LRRK2: variants seen among roughly 807,000 people sequenced by gnomAD.
LRRK2 encodes leucine-rich repeat serine/threonine-protein kinase 2.
In LRRK2, 203 loss-of-function variants were observed where a neutral mutation model predicts 302.6. That is an observed-to-expected ratio of 0.67 (90% CI 0.60 to 0.75). The LOEUF (loss-of-function observed/expected upper bound fraction) is 0.75, where lower values mean the gene tolerates loss of function less well. Among genes scored for constraint, LRRK2 ranks in the 30% least tolerant of loss-of-function variants. The pLI is 0.00. For missense variants in LRRK2, 2,830 were observed against 2,951.0 expected (o/e 0.96, Z 0.95); for synonymous variants, 1,066 against 1,031.9 (o/e 1.03, Z -0.63).
intron 2 of LRRK2, among the ~76,000 whole-genome samples, chr12:40,228,982 A>G (rs1276027665): frequency 6.6e-6 from 1 of 152,190 alleles, no homozygotes; most frequent in Non-Finnish European, 1.5e-5. Flanking sequence ...TCCATCATAC[A>G]ATCTACTAGC....
At position 40,320,006 on chromosome 12, in the gene LRRK2, G is replaced by A. The variant is rs201790906; in HGVS notation, c.4846G>A (p.Glu1616Lys). 21 of 1,609,822 alleles carry A rather than the reference G, an allele frequency of 1.3e-5. No homozygotes were observed. The East Asian group carries it at 4.7e-4, about 36-fold the overall frequency. The change falls in exon 34 of 51, where the codon GAA becomes AAA. Residue 1616 changes from glutamate to lysine, a missense_variant. Coordinates refer to ENST00000298910, the MANE Select transcript of LRRK2 (RefSeq NM_198578.4). ...IMAQILTVKV[E>K]GCPKHPKGII... Reference sequence around the variant, plus strand: ...CTTTCAGATTTTGACAGTGAAAGTGGAAGGTTGTCCAAAACACCCTAAGGG... The same window carrying A: ...CTTTCAGATTTTGACAGTGAAAGTGAAAGGTTGTCCAAAACACCCTAAGGG...
intron 12 of LRRK2, among the ~76,000 whole-genome samples, chr12:40,258,173 T>C (rs1263810646): frequency 2.0e-5 from 3 of 152,216 alleles, no homozygotes; most frequent in Non-Finnish European, 4.4e-5. Flanking sequence ...GGGATTAGGA[T>C]AATGCCTGCT....
At chr12:40,342,277 T>G (rs1210094613) in intron 41 of LRRK2, among the ~76,000 whole-genome samples, 1 of 152,182 alleles carries the variant, frequency 6.6e-6, no homozygotes, top group Non-Finnish European at 1.5e-5. Context: ...GTATCTGACT[T>G]CCTGGTTTTG....
chr12:40,328,500 TATTA>T lies in LRRK2; in HGVS notation c.5757+43_5757+46del, dbSNP rs766983625. ...AATATAATTATATTAAATTGCACAT[TATTA>T]ATCTACTGGAACTCTTATTTTGCAT... On this transcript the variant is annotated intron_variant, in intron 39 of 50. Transcript: ENST00000298910. The T allele has an allele frequency of 1.9e-5, 27 of 1,425,036 alleles. No homozygotes were observed. In the East Asian group the frequency reaches 6.4e-4, roughly 34 times the overall value. 88.3% of individuals were successfully genotyped at this position (1,425,036 alleles called of 1,614,324 possible). A position where few individuals can be genotyped will look rare whatever the true frequency, so the allele number is the denominator to read the frequency against.
chr12:40,298,542 G>C lies in LRRK2; in HGVS notation c.3347+49G>C, dbSNP rs759219476. 2.6e-5 allele frequency: 41 copies of C among 1,604,390 alleles called. No homozygotes were observed. The Admixed American group carries it at 6.8e-4, about 27-fold the overall frequency. ...AAAAGGGTTGCCTAAATATGCTGAT[G>C]TTAACAAAATATGCTGACATTTTTA... On this transcript the variant is annotated intron_variant, in intron 24 of 50. Coordinates refer to ENST00000298910, the MANE Select transcript of LRRK2 (RefSeq NM_198578.4).
intron 38 of LRRK2, 59 bp from the exon 39 acceptor site, chr12:40,328,301 A>T: frequency 7.9e-7 from 1 of 1,261,022 alleles, no homozygotes; most frequent in Admixed American, 1.7e-5. Flanking sequence ...GATATAATTT[A>T]TTTAGTTTTT....
chr12:40,230,152 G>T (rs889559575), intron 2 of LRRK2, among the ~76,000 whole-genome samples: 1 of 152,018 alleles, frequency 6.6e-6, no homozygotes, highest in Non-Finnish European at 1.5e-5. Flanking sequence ...GGTAGAAATA[G>T]CTATCAGAAA....
chr12:40,308,577 C>G lies in LRRK2; in HGVS notation c.4070C>G (p.Thr1357Ser). 6.2e-7 allele frequency: 1 copy of G among 1,613,980 alleles called. No homozygotes were observed. The highest frequency in any genetic ancestry group is 1.1e-5 in the South Asian group (1 of 91,082). ...ACCTTATTGCAGCAATTAATGAAAA[C>G]CAAGAAATCAGATCTTGGAATGCAA... ...KTTLLQQLMK[T>S]KKSDLGMQSA... Residue 1357 changes from threonine (T) to serine (S), a missense_variant, in exon 29 of 51, where the codon ACC becomes AGC. By Grantham distance (58) the Thr-to-Ser change is moderately conservative. Transcript: ENST00000298910.
At chr12:40,345,925 C>T (rs7296657) in intron 41 of LRRK2, among the ~76,000 whole-genome samples, 116,774 of 152,040 alleles carry the variant, frequency 0.77, 45,690 homozygotes, top group Non-Finnish European at 0.86. Context: ...TGTCTATCCA[C>T]GATTATGTCT....
chr12:40,295,200 T>TTTTC (rs1405178422), intron 22 of LRRK2, among the ~76,000 whole-genome samples: 1 of 151,880 alleles, frequency 6.6e-6, no homozygotes, highest in South Asian at 2.1e-4. Context: ...TCTCCTCCAG[T>TTTTC]TTTCTTTCTT....
intron 3 of LRRK2, among the ~76,000 whole-genome samples, chr12:40,234,881 A>G (rs904143409): frequency 1.8e-4 from 28 of 152,202 alleles, no homozygotes; most frequent in Admixed American, 4.6e-4. Context: ...ATAAGGCTTC[A>G]TGATATTTTG....
rs567811866 is a variant in LRRK2 at position 40,269,429 on chromosome 12, G to A, written c.1657-5154G>A. On this transcript the variant is annotated intron_variant, in intron 14 of 50. Coordinates refer to ENST00000298910, the MANE Select transcript of LRRK2 (RefSeq NM_198578.4). ...GACATCTTGCGGAATACTGTCTCAG[G>A]TACCATCGTACCTGCAGTGTTTGAG... 7.2e-5 allele frequency among the ~76,000 whole-genome samples: 11 copies of A among 152,230 alleles called. 1 individual carries two copies. Among genetic ancestry groups the A allele is most frequent in the African/African-American group, 2.6e-4 (11 of 41,546 alleles).
rs142108926 is a variant in LRRK2 at position 40,255,481 on chromosome 12, G to T, written c.1289-1767G>T. ...ATAAAGTCTAACGTGACTTTATGAT[G>T]AAATTTCTTCTTCTAGGTTTATTGC... is the stretch of plus-strand genomic sequence containing the variant. On this transcript the variant is annotated intron_variant, in intron 11 of 50. Coordinates refer to ENST00000298910, the MANE Select transcript of LRRK2 (RefSeq NM_198578.4). Among the ~76,000 whole-genome samples the T allele has an allele frequency of 4.1e-3, 630 of 152,310 alleles. 3 individuals carry two copies. The highest frequency in any genetic ancestry group is 0.021 in the Middle Eastern group (6 of 292).
rs145364431 is a variant in LRRK2, at chr12:40,322,047, G to T, written c.5183G>T (p.Arg1728Leu). Reference protein sequence around the residue: ...YMLSGRERALRPNRMYWRQGI... With the variant: ...YMLSGRERALLPNRMYWRQGI... ...CTCCATTTTTTAGAACGAGCACTTC[G>T]CCCAAACAGAATGTATTGGCGACAA... Residue 1728 changes from arginine to leucine, a missense_variant, in exon 36 of 51, where the codon CGC becomes CTC. Coordinates refer to ENST00000298910, the MANE Select transcript of LRRK2 (RefSeq NM_198578.4). 4.5e-5 allele frequency: 73 copies of T among 1,612,872 alleles called. 1 individual carries two copies. Among genetic ancestry groups the T allele is most frequent in the Non-Finnish European group, 5.7e-5 (67 of 1,179,360 alleles).
chr12:40,303,959 T>C lies in LRRK2; in HGVS notation c.3602T>C (p.Leu1201Ser). ...GTGTATTGTTTTAGCTTGCGGTCTT[T>C]AGATATGAGCAGCAATGATATTCAG... ...AILNLPHLRSLDMSSNDIQYL... is the reference protein window; with the variant it reads ...AILNLPHLRSSDMSSNDIQYL... Residue 1201 changes from leucine to serine, a missense_variant, in exon 27 of 51, where the codon TTA (leucine) becomes TCA (serine). Leu to Ser is a moderately radical substitution (Grantham distance 145). This residue lies in a region of LRRK2 where 2,121 missense variants were observed against 2,148.0 expected (regional missense o/e 0.99). Coordinates refer to ENST00000298910, the MANE Select transcript of LRRK2 (RefSeq NM_198578.4). 1 of 1,613,676 alleles carries C rather than the reference T, an allele frequency of 6.2e-7. No individual in the cohort carries two copies. Among genetic ancestry groups the C allele is most frequent in the Non-Finnish European group, 8.5e-7 (1 of 1,179,706 alleles).
intron 18 of LRRK2, among the ~76,000 whole-genome samples, chr12:40,279,531 T>G (rs1194867688): frequency 1.3e-5 from 2 of 152,204 alleles, no homozygotes; most frequent in Non-Finnish European, 2.9e-5. Context: ...ATCTTTTGCA[T>G]GCAGATTATT....
intron 35 of LRRK2, 51 bp downstream of exon 35, chr12:40,321,239 CTT>C (rs745875898): frequency 4.9e-5 from 75 of 1,532,614 alleles, no homozygotes; most frequent in Middle Eastern, 2.3e-4. Flanking sequence ...TTAATTTAGA[CTT>C]ATTAATTTTT....
chr12:40,244,883 T>C (rs1941906664), intron 7 of LRRK2, among the ~76,000 whole-genome samples: 1 of 150,536 alleles, frequency 6.6e-6, no homozygotes, highest in Non-Finnish European at 1.5e-5. Flanking sequence ...TAAAGTATAA[T>C]AATAATTTTA....
chr12:40,283,843 T>A, intron 18 of LRRK2, 32 bp from the exon 19 acceptor site: 1 of 1,577,126 alleles, frequency 6.3e-7, no homozygotes, highest in Non-Finnish European at 8.6e-7. Context: ...AAATGTAGAT[T>A]TTTAATATAC....
Sources: gnomAD v4.1 joint callset for allele counts (sites outside exome capture counted in the v4.1 genomes callset) on GRCh38, gnomAD v4.1.1 for gene constraint, gnomAD v4.1.1 regional missense constraint, MANE v1.5 for transcripts, NCBI Gene and HGNC (gene_info 2026-07-23, HGNC 2026-07-21) for gene names.